The following ANKRD44 variants were observed in gnomAD, a reference collection of about 807,000 sequenced individuals.
ANKRD44 encodes the protein ankyrin repeat domain 44, also known as serine/threonine-protein phosphatase 6 regulatory ankyrin repeat subunit B.
A neutral mutation model predicts 116.0 loss-of-function variants in ANKRD44; 35 were observed. The ratio of observed to expected loss-of-function variants is 0.30; its 90% CI spans 0.23 to 0.40. The LOEUF (loss-of-function observed/expected upper bound fraction) is 0.40, where lower values mean the gene tolerates loss of function less well. ANKRD44 is among the 10% of genes least tolerant of loss of function. The pLI, the probability that ANKRD44 is intolerant of heterozygous loss-of-function variation, is 1.00. For missense variants in ANKRD44, 1,014 were observed against 1,242.6 expected (o/e 0.82, Z 2.77); for synonymous variants, 435 against 461.8 (o/e 0.94, Z 0.74).
At chr2:196,967,912 ACTCTCT>A (rs35734167) in intron 21 of ANKRD44, among the ~76,000 whole-genome samples, 2,487 of 140,940 alleles carry the variant, frequency 0.018, 30 homozygotes, top group Middle Eastern at 0.083. Context: ...ATGGCTTGGC[ACTCTCT>A]CTCTCTCTCT....
Position 197,212,395 on chromosome 2 carries a change from C to T in ANKRD44, c.28-25289G>A, listed in dbSNP as rs2125699776. On this transcript the variant is annotated intron_variant, in intron 1 of 27. Coordinates refer to ENST00000282272, the MANE Select transcript of ANKRD44 (RefSeq NM_001195144.2). The surrounding 1 kb of genome is among the most constrained non-coding windows in gnomAD (Gnocchi z 4.8). ...TGCTTCTGCACTAAATATTTGAACC[C>T]CTATGTATTTAATGGTTATCTAGTC... Among the ~76,000 whole-genome samples, 1 of 152,226 alleles carries T rather than the reference C, an allele frequency of 6.6e-6. No homozygotes were observed. Among genetic ancestry groups the T allele is most frequent in the East Asian group, 1.9e-4 (1 of 5,186 alleles).
chr2:197,147,519 G>T (rs1370061915), intron 2 of ANKRD44, among the ~76,000 whole-genome samples: 1 of 151,814 alleles, frequency 6.6e-6, no homozygotes, highest in Non-Finnish European at 1.5e-5. Flanking sequence ...ATAGTGGAAT[G>T]GTTCACAAGG....
intron 1 of ANKRD44, among the ~76,000 whole-genome samples, chr2:197,260,878 C>CTCCTTT (rs201888476): frequency 0.99 from 17,754 of 17,948 alleles, 8,845 homozygotes; most frequent in Middle Eastern, 1. Context: ...GCATAAATGT[C>CTCCTTT]TGAGAAGTGT....
At chr2:197,060,211 A>C (rs2077281505) in intron 16 of ANKRD44, among the ~76,000 whole-genome samples, 1 of 152,190 alleles carries the variant, frequency 6.6e-6, no homozygotes, top group Admixed American at 6.5e-5. Flanking sequence ...TGAGATAGTA[A>C]GCTCCCAGAT....
chr2:197,239,661 A>G (rs1444454078), intron 1 of ANKRD44, among the ~76,000 whole-genome samples: 2 of 152,246 alleles, frequency 1.3e-5, no homozygotes, highest in East Asian at 1.9e-4. Flanking sequence ...GAGTTCTGCA[A>G]CGTGTCTTGG....
chr2:197,084,008 G>A (rs1341273885), intron 13 of ANKRD44, among the ~76,000 whole-genome samples: 3 of 152,088 alleles, frequency 2.0e-5, no homozygotes, highest in African/African-American at 7.2e-5. Context: ...GGCTTCCTTA[G>A]CGCTAATCAA....
intron 2 of ANKRD44, among the ~76,000 whole-genome samples, chr2:197,173,600 GA>G (rs1489784557): frequency 3.9e-5 from 6 of 152,172 alleles, no homozygotes; most frequent in African/African-American, 1.4e-4. Flanking sequence ...TCTAATATGG[GA>G]GACCTATATA....
At chr2:197,275,841 A>T (rs1034714353) in intron 1 of ANKRD44, among the ~76,000 whole-genome samples, 5 of 152,152 alleles carry the variant, frequency 3.3e-5, no homozygotes, top group African/African-American at 1.2e-4. Flanking sequence ...TTCATAAAAG[A>T]GGGGGAAAGA....
chr2:197,272,531 T>C (rs1335065558), intron 1 of ANKRD44, among the ~76,000 whole-genome samples: 1 of 152,254 alleles, frequency 6.6e-6, no homozygotes, highest in Non-Finnish European at 1.5e-5. Flanking sequence ...CCAATGCGCC[T>C]GGCCAATTTC....
chr2:197,310,735 C>A lies in ANKRD44; in HGVS notation c.-131G>T. On this transcript the variant is annotated 5_prime_UTR_variant, in exon 1 of 28. In the 5' UTR this introduces an upstream ATG that the reference lacks. Transcript: ENST00000282272. ...GCTCCCGAATTTGACAGCCCTCCCC[C>A]TGCTCCTCCTCCGCCGCCGCCTCCT... 1 of 949,482 alleles carries A rather than the reference C, an allele frequency of 1.1e-6. No individual in the cohort carries two copies. The allele number at this position is 949,482 out of a possible 1,614,324, so 58.8% of individuals were successfully genotyped here.
At chr2:197,307,113 A>C (rs1368325617) in intron 1 of ANKRD44, among the ~76,000 whole-genome samples, 1 of 152,214 alleles carries the variant, frequency 6.6e-6, no homozygotes, top group Non-Finnish European at 1.5e-5. Context: ...TAAAACAGTC[A>C]ATATCAAATC....
intron 10 of ANKRD44, among the ~76,000 whole-genome samples, chr2:197,096,889 C>T (rs1471381494): frequency 6.6e-6 from 1 of 152,112 alleles, no homozygotes; most frequent in Non-Finnish European, 1.5e-5. Flanking sequence ...CACAAAGGCA[C>T]TTACACACAC....
chr2:197,131,442 C>T (rs560545313), intron 4 of ANKRD44, among the ~76,000 whole-genome samples: 25 of 152,224 alleles, frequency 1.6e-4, no homozygotes, highest in South Asian at 4.1e-4. Flanking sequence ...CCGCCCGCCT[C>T]GGCCTCCCAA....
intron 2 of ANKRD44, among the ~76,000 whole-genome samples, chr2:197,151,645 T>C (rs115628491): frequency 0.016 from 2,455 of 152,326 alleles, 28 homozygotes; most frequent in Middle Eastern, 0.048. Context: ...AGCCATATTA[T>C]CTAGACATAG....
intron 2 of ANKRD44, among the ~76,000 whole-genome samples, chr2:197,164,290 G>A (rs1001162080): frequency 6.6e-6 from 1 of 152,214 alleles, no homozygotes; most frequent in African/African-American, 2.4e-5. Context: ...ACCCCTTGGT[G>A]CCTGCGGTTC....
At chr2:197,060,335 A>G (rs1372236658) in intron 16 of ANKRD44, among the ~76,000 whole-genome samples, 1 of 152,220 alleles carries the variant, frequency 6.6e-6, no homozygotes, top group Non-Finnish European at 1.5e-5. Context: ...TGTACCTATC[A>G]TATGCCAGGC....
chr2:197,184,639 CAAAAAA>C (rs3057744), intron 2 of ANKRD44, among the ~76,000 whole-genome samples: 7 of 92,320 alleles, frequency 7.6e-5, no homozygotes, highest in African/African-American at 2.6e-4. Flanking sequence ...GACTCCATCT[CAAAAAA>C]AAAAAAAAAA....
chr2:197,273,976 AAAAAATATATATATATATATATATATAT>A (rs2082983217), intron 1 of ANKRD44, among the ~76,000 whole-genome samples: 1 of 53,472 alleles, frequency 1.9e-5, no homozygotes, highest in Non-Finnish European at 3.6e-5. Flanking sequence ...AAAAAAAAAA[AAAAAATATATATATATATATATATATAT>A]ATATATATAT....
At chr2:197,291,842 G>A (rs1455706987) in intron 1 of ANKRD44, among the ~76,000 whole-genome samples, 1 of 152,090 alleles carries the variant, frequency 6.6e-6, no homozygotes, top group Non-Finnish European at 1.5e-5. Context: ...CCCCACGACA[G>A]GCCCCAGTGT....
Sources: gnomAD v4.1 joint callset for allele counts (sites outside exome capture counted in the v4.1 genomes callset) on GRCh38, gnomAD v4.1.1 for gene constraint, Gnocchi (gnomAD v3.1) non-coding constraint, MANE v1.5 for transcripts, NCBI Gene and HGNC (gene_info 2026-07-23, HGNC 2026-07-21) for gene names.